The following CFAP299 variants were observed in gnomAD, a reference collection of about 807,000 sequenced individuals.
The protein encoded by CFAP299 is cilia and flagella associated protein 299.
Under a neutral mutation model 27.0 loss-of-function variants are expected in CFAP299, and 21 were observed. The observed-to-expected ratio is 0.78, with a 90% confidence interval of 0.55 to 1.12. The LOEUF (loss-of-function observed/expected upper bound fraction) is 1.12. Ranked by LOEUF, CFAP299 falls within the 50% of genes most tolerant of loss-of-function variation. The pLI, the probability that CFAP299 is intolerant of heterozygous loss-of-function variation, is 0.00. For synonymous variants in CFAP299, 104 were observed against 98.1 expected (o/e 1.06, Z -0.36); for missense variants, 310 against 276.6 (o/e 1.12, Z -0.86).
intron 4 of CFAP299, among the ~76,000 whole-genome samples, chr4:80,917,944 T>C (rs929537471): frequency 1.3e-5 from 2 of 152,166 alleles, no homozygotes; most frequent in Admixed American, 6.6e-5. Context: ...TATATGTAGA[T>C]ATAGAAATCA....
chr4:80,448,278 T>TATAA (rs1728740546), intron 2 of CFAP299, among the ~76,000 whole-genome samples: 1 of 152,232 alleles, frequency 6.6e-6, no homozygotes, highest in African/African-American at 2.4e-5. Flanking sequence ...GGGTGACTGC[T>TATAA]GATTCAGTAT....
At chr4:80,389,973 C>A (rs952612861) in intron 2 of CFAP299, among the ~76,000 whole-genome samples, 1 of 151,944 alleles carries the variant, frequency 6.6e-6, no homozygotes, top group African/African-American at 2.4e-5. Flanking sequence ...AGTGATTTTT[C>A]CAGAATTATT....
intron 4 of CFAP299, among the ~76,000 whole-genome samples, chr4:80,896,652 T>G (rs996067398): frequency 1.3e-5 from 2 of 152,160 alleles, no homozygotes; most frequent in Non-Finnish European, 2.9e-5. Flanking sequence ...AATGATAGTT[T>G]TTCTCTGCTT....
chr4:80,892,202 C>T (rs1029639823), intron 4 of CFAP299, among the ~76,000 whole-genome samples: 2 of 151,946 alleles, frequency 1.3e-5, no homozygotes, highest in African/African-American at 4.8e-5. Context: ...GAGACAAATC[C>T]CCACACCTAC....
chr4:80,822,739 T>C (rs897112218), intron 3 of CFAP299, among the ~76,000 whole-genome samples: 1 of 152,272 alleles, frequency 6.6e-6, no homozygotes. Flanking sequence ...CCATAAAAAC[T>C]GGATTCCCAT....
At chr4:80,729,439 T>C (rs1001796237) in intron 3 of CFAP299, among the ~76,000 whole-genome samples, 1 of 152,064 alleles carries the variant, frequency 6.6e-6, no homozygotes, top group Non-Finnish European at 1.5e-5. Flanking sequence ...GAAATAATGG[T>C]ATGTCACTCT....
intron 2 of CFAP299, among the ~76,000 whole-genome samples, chr4:80,559,909 T>G (rs922996991): frequency 6.6e-6 from 1 of 152,136 alleles, no homozygotes; most frequent in African/African-American, 2.4e-5. Flanking sequence ...CCATAAGGAC[T>G]GCAATGCTTA....
At chr4:80,623,611 G>A (rs1238769401) in intron 3 of CFAP299, among the ~76,000 whole-genome samples, 1 of 152,126 alleles carries the variant, frequency 6.6e-6, no homozygotes, top group African/African-American at 2.4e-5. Context: ...AGCTGGAAAG[G>A]ACAGTTTTGC....
chr4:80,737,140 A>G (rs889596653), intron 3 of CFAP299, among the ~76,000 whole-genome samples: 1 of 135,796 alleles, frequency 7.4e-6, no homozygotes, highest in Non-Finnish European at 1.6e-5. Flanking sequence ...AGGAAGGGGA[A>G]CATCACACTC....
the CFAP299 span, among the ~76,000 whole-genome samples, chr4:80,323,893 C>A: frequency 6.6e-6 from 1 of 152,282 alleles, no homozygotes; most frequent in Admixed American, 6.5e-5. Flanking sequence ...CCAATAGTCA[C>A]ATTGTTTTTG....
chr4:80,544,649 C>G (rs1319516375), intron 2 of CFAP299, among the ~76,000 whole-genome samples: 2 of 152,112 alleles, frequency 1.3e-5, no homozygotes, highest in African/African-American at 4.8e-5. Context: ...GGGGCTCAAT[C>G]CAACAGGAAG....
chr4:80,684,207 G>A (rs1201022232), intron 3 of CFAP299, among the ~76,000 whole-genome samples: 1 of 151,600 alleles, frequency 6.6e-6, no homozygotes, highest in Non-Finnish European at 1.5e-5. Context: ...CTTTGTTTAA[G>A]AACATCTTAA....
At chr4:80,654,705 T>G (rs571353776) in intron 3 of CFAP299, among the ~76,000 whole-genome samples, 46 of 152,076 alleles carry the variant, frequency 3.0e-4, no homozygotes, top group Admixed American at 1.2e-3. Context: ...TCTCCTGGGC[T>G]TAAAGAATCC....
At chr4:80,872,876 T>C in intron 4 of CFAP299, 1 of 958,620 alleles carries the variant, frequency 1.0e-6, no homozygotes, top group Non-Finnish European at 1.2e-6. Context: ...CCTTTGCCTC[T>C]TATGTGTATT....
chr4:80,374,580 G>T (rs1724312644), intron 2 of CFAP299, among the ~76,000 whole-genome samples: 1 of 152,132 alleles, frequency 6.6e-6, no homozygotes, highest in Non-Finnish European at 1.5e-5. Context: ...CTACTCATTT[G>T]TCCCAATCCC....
rs185274170 is a variant in CFAP299, at chr4:80,688,035, T to G, written c.333+104852T>G. Among the ~76,000 whole-genome samples the G allele has an allele frequency of 8.7e-3, 1,321 of 152,170 alleles. 9 individuals are homozygous for G. The highest frequency in any genetic ancestry group is 0.02 in the Middle Eastern group (6 of 294). The stretch of plus-strand genomic sequence containing the variant: ...TGTGTCCCGCACCTGGCTCGGAGGG[T>G]CCTACACCCACGGAGTCTCGCTGAT... On this transcript the variant is annotated intron_variant, in intron 3 of 5. Coordinates refer to ENST00000358105, the MANE Select transcript of CFAP299 (RefSeq NM_152770.3).
intron 1 of CFAP299, among the ~76,000 whole-genome samples, chr4:80,338,645 C>T (rs1722282246): frequency 6.6e-6 from 1 of 152,132 alleles, no homozygotes; most frequent in African/African-American, 2.4e-5. Context: ...ATCCAGCCAC[C>T]TTTTTAGTCG....
chr4:80,891,351 G>A (rs932480146), intron 4 of CFAP299, among the ~76,000 whole-genome samples: 2 of 151,604 alleles, frequency 1.3e-5, no homozygotes, highest in African/African-American at 4.9e-5. Flanking sequence ...TCTCAGGTTT[G>A]TCAAAGATCA....
At chr4:80,865,105 A>G (rs1285294086) in intron 3 of CFAP299, among the ~76,000 whole-genome samples, 2 of 152,178 alleles carry the variant, frequency 1.3e-5, no homozygotes, top group African/African-American at 4.8e-5. Flanking sequence ...AAAACTCTCA[A>G]TGCTTTCATC....
Sources: allele counts gnomAD v4.1 joint callset (sites outside exome capture counted in the v4.1 genomes callset), GRCh38; gene constraint gnomAD v4.1.1; transcripts MANE v1.5; gene names NCBI Gene and HGNC (gene_info 2026-07-23, HGNC 2026-07-21).